Variants in ADAMTS19 observed in about 807,000 individuals in gnomAD.
ADAMTS19 encodes the protein ADAM metallopeptidase with thrombospondin type 1 motif 19, also known as A disintegrin and metalloproteinase with thrombospondin motifs 19.
Under a neutral mutation model 153.3 loss-of-function variants are expected in ADAMTS19, and 93 were observed. The ratio of observed to expected loss-of-function variants is 0.61; its 90% CI spans 0.51 to 0.72. The LOEUF (loss-of-function observed/expected upper bound fraction) is 0.72. ADAMTS19 is among the 30% of genes least tolerant of loss of function. The probability of loss-of-function intolerance (pLI) is 0.00; values close to 1 mark genes in which losing one functional copy is unlikely to be tolerated. For missense variants in ADAMTS19, 1,482 were observed against 1,552.1 expected, an observed-to-expected ratio of 0.95 and a Z score of 0.76; for synonymous variants, 600 against 556.6, an observed-to-expected ratio of 1.08 and a Z score of -1.10.
chr5:129,700,300 C>T (rs908070141), intron 19 of ADAMTS19, among the ~76,000 whole-genome samples: 1 of 152,138 alleles, frequency 6.6e-6, no homozygotes, highest in South Asian at 2.1e-4. Flanking sequence ...AAAATGGAGT[C>T]ATGTTAAGTT....
chr5:129,712,766 T>A (rs1469826350), intron 21 of ADAMTS19, among the ~76,000 whole-genome samples: 1 of 152,164 alleles, frequency 6.6e-6, no homozygotes, highest in Non-Finnish European at 1.5e-5. Flanking sequence ...ATGAGGCACA[T>A]ATGCTGTTAT....
chr5:129,569,782 A>T (rs1159230171), intron 7 of ADAMTS19, among the ~76,000 whole-genome samples: 1 of 152,068 alleles, frequency 6.6e-6, no homozygotes, highest in Non-Finnish European at 1.5e-5. Flanking sequence ...AAACATGAAA[A>T]GACAACATAC....
At chr5:129,532,001 T>C (rs1029354266) in intron 6 of ADAMTS19, among the ~76,000 whole-genome samples, 1 of 152,084 alleles carries the variant, frequency 6.6e-6, no homozygotes, top group African/African-American at 2.4e-5. Context: ...CTATTTAACA[T>C]GTGTAAAATT....
intron 15 of ADAMTS19, among the ~76,000 whole-genome samples, chr5:129,661,584 A>G (rs1022929604): frequency 1.3e-5 from 2 of 152,186 alleles, no homozygotes; most frequent in Admixed American, 6.6e-5. Flanking sequence ...CCTGTGCTCT[A>G]TTTAGAGTTT....
At chr5:129,512,765 G>A (rs979491203) in intron 3 of ADAMTS19, among the ~76,000 whole-genome samples, 12 of 151,926 alleles carry the variant, frequency 7.9e-5, no homozygotes, top group African/African-American at 2.9e-4. Flanking sequence ...CAGATAAAAA[G>A]CCTCTCATTT....
Position 129,737,142 on chromosome 5 carries a change from A to G in ADAMTS19, c.3566A>G (p.Gln1189Arg), listed in dbSNP as rs758318676. The change falls in exon 23 of 23, where the codon CAG (glutamine) becomes CGG (arginine). Residue 1189 changes from glutamine (Q) to arginine (R), a missense_variant. This residue lies in a region of ADAMTS19 where 616 missense variants were observed against 724.4 expected (regional missense o/e 0.85). Transcript: ENST00000274487. ...CRVIREKNLC[Q>R]DMRWYQRCCE... Reference sequence around the variant, plus strand: ...GTGATACGTGAAAAGAACCTATGTCAGGACATGCGGTGGTATCAGCGCTGC... The same window carrying G: ...GTGATACGTGAAAAGAACCTATGTCGGGACATGCGGTGGTATCAGCGCTGC... 7 of 1,612,074 alleles carry G rather than the reference A, an allele frequency of 4.3e-6. No individual in the cohort carries two copies. The highest frequency in any genetic ancestry group is 5.9e-6 in the Non-Finnish European group (7 of 1,178,698).
chr5:129,675,799 G>A (rs571924813), intron 16 of ADAMTS19, among the ~76,000 whole-genome samples: 5 of 152,018 alleles, frequency 3.3e-5, no homozygotes, highest in African/African-American at 9.7e-5. Flanking sequence ...CTTTGGGAGG[G>A]CAAGGCAGGC....
At chr5:129,632,346 GAT>G (rs577382676) in intron 10 of ADAMTS19, among the ~76,000 whole-genome samples, 3 of 150,972 alleles carry the variant, frequency 2.0e-5, no homozygotes, top group East Asian at 1.9e-4. Context: ...CTATAGTCAT[GAT>G]ATATATATAT....
intron 21 of ADAMTS19, among the ~76,000 whole-genome samples, chr5:129,715,860 C>A (rs1201256568): frequency 1.3e-5 from 2 of 152,026 alleles, no homozygotes; most frequent in East Asian, 3.9e-4. Flanking sequence ...GTTATCAGCA[C>A]CTAAACGGTG....
intron 7 of ADAMTS19, among the ~76,000 whole-genome samples, chr5:129,586,363 G>T (rs955856383): frequency 6.6e-6 from 1 of 152,044 alleles, no homozygotes; most frequent in Non-Finnish European, 1.5e-5. Flanking sequence ...GGCATCCACC[G>T]ATCTTTTTAC....
Position 129,654,350 on chromosome 5 carries a change from C to T in ADAMTS19, c.2221C>T (p.Pro741Ser), listed in dbSNP as rs147473770. ...TTGCTCTCCTGTTGGAAAAGAACAG[C>T]CTATTCTTCTATCAGAAAAAGTGAT... ...LFCSPVGKEQPILLSEKVMDG... is the reference protein window; with the variant it reads ...LFCSPVGKEQSILLSEKVMDG... Residue 741 changes from proline to serine, a missense_variant, in exon 14 of 23, where the codon CCT (proline) becomes TCT (serine). By Grantham distance (74) the Pro-to-Ser change is moderately conservative. This residue lies in a region of ADAMTS19 where 616 missense variants were observed against 724.4 expected (regional missense o/e 0.85). Transcript: ENST00000274487. 1.9e-6 allele frequency: 3 copies of T among 1,612,758 alleles called. No individual in the cohort carries two copies. In the African/African-American group the frequency reaches 4.0e-5, roughly 22 times the overall value.
At chr5:129,578,426 C>A (rs1368217660) in intron 7 of ADAMTS19, among the ~76,000 whole-genome samples, 1 of 147,200 alleles carries the variant, frequency 6.8e-6, no homozygotes, top group African/African-American at 2.5e-5. Flanking sequence ...GTACATATAC[C>A]TATATGCATG....
chr5:129,622,169 A>G, intron 9 of ADAMTS19, 29 bp from the exon 10 acceptor site: 1 of 1,613,574 alleles, frequency 6.2e-7, no homozygotes, highest in Non-Finnish European at 8.5e-7. Flanking sequence ...ATTAAATTCA[A>G]AAGTTTACAC....
At chr5:129,579,873 G>A (rs545400159) in intron 7 of ADAMTS19, among the ~76,000 whole-genome samples, 5 of 152,214 alleles carry the variant, frequency 3.3e-5, no homozygotes, top group South Asian at 2.1e-4. Context: ...GTAGCATGAC[G>A]CCTCCAGCTT....
intron 2 of ADAMTS19, among the ~76,000 whole-genome samples, chr5:129,468,749 G>A (rs1749961868): frequency 6.6e-6 from 1 of 151,918 alleles, no homozygotes; most frequent in Non-Finnish European, 1.5e-5. Flanking sequence ...TTCCTTTCCT[G>A]TAGACTTTCC....
chr5:129,725,009 G>A (rs1757149118), intron 21 of ADAMTS19, among the ~76,000 whole-genome samples: 1 of 152,092 alleles, frequency 6.6e-6, no homozygotes, highest in Non-Finnish European at 1.5e-5. Context: ...ATTCACCCAT[G>A]CAAGCTTCTA....
In ADAMTS19 at chr5:129,647,786, A is replaced by G; in HGVS notation, c.1894A>G (p.Thr632Ala). The G allele has an allele frequency of 6.2e-7, 1 of 1,614,088 alleles. No homozygotes were observed. Among genetic ancestry groups the G allele is most frequent in the Non-Finnish European group, 8.5e-7 (1 of 1,179,952 alleles). The change falls in exon 12 of 23, where the codon ACC (threonine) becomes GCC (alanine). Residue 632 changes from threonine to alanine, a missense_variant. Thr to Ala is a moderately conservative substitution (Grantham distance 58, BLOSUM62 0). Around this residue, in one of 2 missense-constraint regions of ADAMTS19, gnomAD observed 616 missense variants for 724.4 expected, o/e 0.85. Transcript: ENST00000274487. The stretch of plus-strand genomic sequence containing the variant: ...ATAGTGGTGTAAGGCTGGAGAATGT[A>G]CCAGCAGGACCTCAGCACCTGAACA... ...LGKWCKAGEC[T>A]SRTSAPEHLA...
chr5:129,480,575 C>T (rs990386140), intron 2 of ADAMTS19, among the ~76,000 whole-genome samples: 3 of 151,928 alleles, frequency 2.0e-5, no homozygotes, highest in Middle Eastern at 3.2e-3. Flanking sequence ...GAAAAATAGG[C>T]AAAATGCTTG....
chr5:129,597,326 T>C (rs1344425079), intron 8 of ADAMTS19, among the ~76,000 whole-genome samples: 1 of 152,196 alleles, frequency 6.6e-6, no homozygotes, highest in Admixed American at 6.5e-5. Flanking sequence ...TTAAGTGCTT[T>C]GTAAGTACTC....
Sources: gnomAD v4.1 joint callset for allele counts (sites outside exome capture counted in the v4.1 genomes callset) on GRCh38, gnomAD v4.1.1 for gene constraint, gnomAD v4.1.1 regional missense constraint, MANE v1.5 for transcripts, NCBI Gene and HGNC (gene_info 2026-07-23, HGNC 2026-07-21) for gene names.